Variants in ANK2 observed in about 807,000 individuals in gnomAD.
ANK2 encodes ankyrin 2, also known as ankyrin-2.
Under a neutral mutation model 360.5 loss-of-function variants are expected in ANK2, and 83 were observed. The ratio of observed to expected loss-of-function variants is 0.23; its 90% confidence interval spans 0.19 to 0.28. The LOEUF (loss-of-function observed/expected upper bound fraction) is 0.28, where lower values mean the gene tolerates loss of function less well. Ranked by LOEUF, ANK2 falls within the 10% of genes least tolerant of loss-of-function variation. The probability of loss-of-function intolerance (pLI) is 1.00; values close to 1 mark genes in which losing one functional copy is unlikely to be tolerated. For synonymous variants in ANK2, 1,740 were observed against 1,759.5 expected, an observed-to-expected ratio of 0.99 and a Z score of 0.28; for missense variants, 4,201 against 4,795.7, an observed-to-expected ratio of 0.88 and a Z score of 3.66.
At chr4:112,718,912 C>T in the ANK2 span, among the ~76,000 whole-genome samples, 1 of 150,664 alleles carries the variant, frequency 6.6e-6, no homozygotes, top group Non-Finnish European at 1.5e-5. Flanking sequence ...ACTGGGATTA[C>T]AGGCATGAGC....
At position 112,954,984 on chromosome 4, in the gene ANK2, T is replaced by C. The variant is rs113958335; in HGVS notation, c.21+50470T>C. ...CAAATATGTTTGTTATTGTAAAATA[T>C]GTACATCTTTGGCAAGAGGTGTACA... On this transcript the variant is annotated intron_variant, in intron 2 of 30. Coordinates refer to the ANK2 transcript ENST00000503271. Among the ~76,000 whole-genome samples the C allele has an allele frequency of 6.2e-3, 942 of 152,272 alleles. 7 individuals carry two copies. Among genetic ancestry groups the C allele is most frequent in the African/African-American group, 0.021 (858 of 41,572 alleles).
At chr4:112,898,853 G>A (rs1461484827) in intron 1 of ANK2, among the ~76,000 whole-genome samples, 1 of 152,182 alleles carries the variant, frequency 6.6e-6, no homozygotes, top group African/African-American at 2.4e-5. Context: ...AGGGGAGGAA[G>A]CAGAGGATGG....
At chr4:113,030,678 T>C (rs2060214823) in intron 2 of ANK2, among the ~76,000 whole-genome samples, 1 of 151,964 alleles carries the variant, frequency 6.6e-6, no homozygotes. Flanking sequence ...ATCTGCATCA[T>C]GATGACTATG....
the ANK2 span, among the ~76,000 whole-genome samples, chr4:112,754,110 AGTATATATATAT>A: frequency 7.9e-5 from 5 of 63,502 alleles, no homozygotes; most frequent in Non-Finnish European, 1.1e-4. Flanking sequence ...AAAAAAAAAA[AGTATATATATAT>A]ATATATATAT....
At chr4:112,800,205 T>C in the ANK2 span, among the ~76,000 whole-genome samples, 1 of 152,234 alleles carries the variant, frequency 6.6e-6, no homozygotes, top group African/African-American at 2.4e-5. Flanking sequence ...GGAAGAAGGC[T>C]GAGTCAGCAG....
chr4:113,211,817 T>A (rs958470385), intron 4 of ANK2, among the ~76,000 whole-genome samples: 13 of 152,306 alleles, frequency 8.5e-5, no homozygotes, highest in African/African-American at 3.1e-4. Flanking sequence ...TTTTAAGCAA[T>A]CAAAACAATG....
At chr4:112,863,250 A>T (rs1431593882) in intron 1 of ANK2, among the ~76,000 whole-genome samples, 1 of 152,130 alleles carries the variant, frequency 6.6e-6, no homozygotes, top group Non-Finnish European at 1.5e-5. Context: ...TGAAAATCTG[A>T]AGAGTCAATA....
upstream of ANK2, among the ~76,000 whole-genome samples, chr4:113,046,097 G>A (rs184912727): frequency 1.3e-5 from 2 of 152,170 alleles, no homozygotes; most frequent in East Asian, 3.9e-4. Flanking sequence ...CAGCAGACAG[G>A]CACAAGGAAA....
At chr4:112,943,666 T>G (rs2094380539) in intron 2 of ANK2, among the ~76,000 whole-genome samples, 2 of 152,106 alleles carry the variant, frequency 1.3e-5, no homozygotes, top group Non-Finnish European at 2.9e-5. Flanking sequence ...TATATTTTAC[T>G]ACAGATGTGT....
chr4:112,977,778 G>A (rs2041926113), intron 2 of ANK2, among the ~76,000 whole-genome samples: 1 of 151,806 alleles, frequency 6.6e-6, no homozygotes, highest in Admixed American at 6.6e-5. Context: ...TCCCCTCTCT[G>A]TGTCCATGTG....
the ANK2 span, among the ~76,000 whole-genome samples, chr4:112,779,336 G>A: frequency 3.3e-5 from 5 of 152,002 alleles, no homozygotes; most frequent in Non-Finnish European, 5.9e-5. Context: ...GGCTAACACG[G>A]TGAAACCCCG....
chr4:112,852,248 C>A (rs1176233774), intron 1 of ANK2, among the ~76,000 whole-genome samples: 8 of 152,266 alleles, frequency 5.3e-5, no homozygotes, highest in East Asian at 1.9e-4. Flanking sequence ...CCCAGTGGAC[C>A]TTTTTGCCTG....
chr4:113,003,362 C>G (rs184922903), intron 2 of ANK2, among the ~76,000 whole-genome samples: 100 of 151,984 alleles, frequency 6.6e-4, no homozygotes, highest in African/African-American at 2.2e-3. Context: ...CCTTACCTCC[C>G]TGAGATATTA....
In ANK2 at chr4:112,934,028, T is replaced by G. The variant is rs181779004; in HGVS notation, c.21+29514T>G. On this transcript the variant is annotated intron_variant, in intron 2 of 30. Transcript: ENST00000503271. ...TTAAAGATGCTCGGGAGATTGAGCC[T>G]AGAGAAAGGAAGATTTGTGAAAGGG... 2.8e-3 allele frequency among the ~76,000 whole-genome samples: 425 copies of G among 152,192 alleles called. 1 individual carries two copies. Among genetic ancestry groups the G allele is most frequent in the African/African-American group, 9.3e-3 (388 of 41,518 alleles).
At chr4:113,184,824 C>A (rs1346359597) in intron 2 of ANK2, among the ~76,000 whole-genome samples, 1 of 152,032 alleles carries the variant, frequency 6.6e-6, no homozygotes, top group African/African-American at 2.4e-5. Flanking sequence ...CCATCATCTA[C>A]ATTAGGTATT....
intron 22 of ANK2, among the ~76,000 whole-genome samples, 177 bp downstream of exon 22, chr4:113,293,715 G>C (rs1255261943): frequency 6.6e-6 from 1 of 152,190 alleles, no homozygotes; most frequent in African/African-American, 2.4e-5. Flanking sequence ...TTCACACAAG[G>C]AATACAGGGC....
At chr4:112,971,628 G>T (rs1412453936) in intron 2 of ANK2, among the ~76,000 whole-genome samples, 1 of 152,100 alleles carries the variant, frequency 6.6e-6, no homozygotes, top group Non-Finnish European at 1.5e-5. Context: ...GAAATACATT[G>T]GTTCCTTTGT....
chr4:113,207,595 A>G (rs1344643794), intron 4 of ANK2, among the ~76,000 whole-genome samples: 1 of 151,858 alleles, frequency 6.6e-6, no homozygotes, highest in Non-Finnish European at 1.5e-5. Flanking sequence ...CAAATCTAAC[A>G]GCATTAATGT....
chr4:113,164,754 G>A (rs2097692252), intron 1 of ANK2, among the ~76,000 whole-genome samples: 2 of 152,344 alleles, frequency 1.3e-5, no homozygotes, highest in South Asian at 4.1e-4. Context: ...AGCCTTGAAG[G>A]AGGCTAAGAC....
Sources: allele counts gnomAD v4.1 joint callset (sites outside exome capture counted in the v4.1 genomes callset), GRCh38; gene constraint gnomAD v4.1.1; transcripts MANE v1.5; gene names NCBI Gene and HGNC (gene_info 2026-07-23, HGNC 2026-07-21).